The following AGBL1 variants were observed in gnomAD, a reference collection of about 807,000 sequenced individuals.
AGBL1 encodes the protein cytosolic carboxypeptidase 4.
AGBL1 carries 130 observed loss-of-function variants against 118.9 expected under a neutral mutation model. That is an observed-to-expected ratio of 1.09 (90% confidence interval 0.95 to 1.26). AGBL1 has a LOEUF of 1.26. Ranked by LOEUF, AGBL1 falls within the 50% of genes most tolerant of loss-of-function variation. AGBL1 has a pLI of 0.00. For missense variants in AGBL1, 1,584 were observed against 1,298.1 expected, an observed-to-expected ratio of 1.22 and a Z score of -3.38; for synonymous variants, 555 against 478.9, an observed-to-expected ratio of 1.16 and a Z score of -2.08.
chr15:86,851,832 G>A (rs1487697880), intron 22 of AGBL1, among the ~76,000 whole-genome samples: 4 of 152,182 alleles, frequency 2.6e-5, no homozygotes, highest in African/African-American at 9.7e-5. Flanking sequence ...TGCTGGAATG[G>A]CCAACAGAGA....
intron 5 of AGBL1, among the ~76,000 whole-genome samples, chr15:86,223,107 G>T (rs1164005008): frequency 2.0e-5 from 3 of 152,010 alleles, no homozygotes; most frequent in Non-Finnish European, 2.9e-5. Flanking sequence ...GCCACTTTTT[G>T]GGTTTAAGAC....
intron 22 of AGBL1, among the ~76,000 whole-genome samples, chr15:86,802,712 T>C (rs2078667374): frequency 6.6e-6 from 1 of 152,190 alleles, no homozygotes; most frequent in South Asian, 2.1e-4. Context: ...AATATTGTGC[T>C]ATAAATGCAA....
intron 19 of AGBL1, among the ~76,000 whole-genome samples, chr15:86,526,809 C>T (rs2083273651): frequency 6.6e-6 from 1 of 151,750 alleles, no homozygotes. Context: ...TACGGGTATG[C>T]AAAGGCATAC....
rs74027158 is a variant in AGBL1, at chr15:86,902,745, T to C, written c.3159-4342T>C. Among the ~76,000 whole-genome samples the C allele has an allele frequency of 3.1e-3, 470 of 152,308 alleles. 3 individuals are homozygous for C. Among genetic ancestry groups the C allele is most frequent in the African/African-American group, 0.011 (454 of 41,576 alleles). On this transcript the variant is annotated intron_variant, in intron 22 of 22. Coordinates refer to ENST00000614907, the MANE Select transcript of AGBL1 (RefSeq NM_001386094.1). ...TGGTGTGCCATTTTCTTCTGGCCTC[T>C]ATGGTTTCTGATGAGAACTTTGCTG...
At chr15:86,343,775 A>G (rs899440783) in intron 17 of AGBL1, among the ~76,000 whole-genome samples, 8 of 152,078 alleles carry the variant, frequency 5.3e-5, no homozygotes. Context: ...CTTTTAGAGA[A>G]ATTCATCTCT....
At chr15:86,351,313 G>A (rs2080622846) in intron 17 of AGBL1, among the ~76,000 whole-genome samples, 1 of 151,980 alleles carries the variant, frequency 6.6e-6, no homozygotes, top group East Asian at 1.9e-4. Context: ...CATTAATGAG[G>A]GCAAAGTCCT....
At chr15:86,477,561 A>G (rs544233925) in intron 18 of AGBL1, among the ~76,000 whole-genome samples, 92 of 152,286 alleles carry the variant, frequency 6.0e-4, no homozygotes, top group African/African-American at 2.2e-3. Context: ...ATAGACCAAT[A>G]ACAGGCTCTG....
At chr15:87,006,485 C>T (rs1435115541) in intron 24 of AGBL1, among the ~76,000 whole-genome samples, 2 of 152,168 alleles carry the variant, frequency 1.3e-5, no homozygotes, top group African/African-American at 2.4e-5. Context: ...ATGGTACCCT[C>T]CGAGCCAGGC....
chr15:86,417,367 C>G (rs548401973), intron 18 of AGBL1, among the ~76,000 whole-genome samples: 1 of 152,202 alleles, frequency 6.6e-6, no homozygotes, highest in Non-Finnish European at 1.5e-5. Context: ...GTAGTTTCTT[C>G]AATCACTTGT....
chr15:86,426,486 G>A (rs141415527), intron 18 of AGBL1, among the ~76,000 whole-genome samples: 1 of 152,160 alleles, frequency 6.6e-6, no homozygotes, highest in East Asian at 1.9e-4. Flanking sequence ...GGACAATGCT[G>A]TCTAAATACC....
chr15:86,421,220 C>T (rs557229735), intron 18 of AGBL1, among the ~76,000 whole-genome samples: 13 of 152,148 alleles, frequency 8.5e-5, no homozygotes, highest in East Asian at 3.9e-4. Context: ...AGAGAAAGGG[C>T]GGGTTACCCA....
At chr15:86,676,207 G>C (rs947367883) in intron 22 of AGBL1, among the ~76,000 whole-genome samples, 11 of 152,090 alleles carry the variant, frequency 7.2e-5, no homozygotes, top group Non-Finnish European at 1.5e-4. Context: ...GAATATATTT[G>C]AATTAAGTTT....
At chr15:86,382,994 C>G (rs139730359) in intron 17 of AGBL1, among the ~76,000 whole-genome samples, 5 of 152,224 alleles carry the variant, frequency 3.3e-5, no homozygotes, top group East Asian at 1.9e-4. Context: ...GACACGGTTT[C>G]CATTTTGAAC....
intron 23 of AGBL1, among the ~76,000 whole-genome samples, chr15:86,967,409 T>C (rs1206007980): frequency 6.6e-6 from 1 of 152,146 alleles, no homozygotes. Context: ...CCCATGCCTA[T>C]GTCCTGAATG....
At chr15:86,768,868 T>A (rs2078132649) in intron 22 of AGBL1, among the ~76,000 whole-genome samples, 1 of 151,866 alleles carries the variant, frequency 6.6e-6, no homozygotes, top group Non-Finnish European at 1.5e-5. Flanking sequence ...ATAGGTACCC[T>A]TTAAAAATAA....
intron 5 of AGBL1, among the ~76,000 whole-genome samples, chr15:86,178,154 A>C (rs990006448): frequency 6.6e-6 from 1 of 152,190 alleles, no homozygotes; most frequent in Non-Finnish European, 1.5e-5. Flanking sequence ...TCTACTAAAA[A>C]TACAAAAATT....
In AGBL1 at chr15:86,422,579, C is replaced by T. The variant is rs143332505; in HGVS notation, c.2555+25033C>T. On this transcript the variant is annotated intron_variant, in intron 18 of 22. Transcript: ENST00000614907. ...AACAAATTCAAAAGCTAGCAGAAAA[C>T]GAGAAAATACTTAGAGCAGAACGGA... Among the ~76,000 whole-genome samples the T allele has an allele frequency of 5.7e-3, 863 of 151,686 alleles. 10 individuals carry two copies. Among genetic ancestry groups the T allele is most frequent in the African/African-American group, 0.018 (743 of 41,412 alleles).
At chr15:86,782,532 T>A (rs1271087366) in intron 22 of AGBL1, among the ~76,000 whole-genome samples, 1 of 152,198 alleles carries the variant, frequency 6.6e-6, no homozygotes, top group Non-Finnish European at 1.5e-5. Flanking sequence ...CATTTCCTAC[T>A]TTTGTGTGCG....
rs1436944719 is a variant in AGBL1, at chr15:86,849,108, A to G, written c.3159-57979A>G. Among the ~76,000 whole-genome samples, 7 of 152,208 alleles carry G rather than the reference A, an allele frequency of 4.6e-5. No individual in the cohort carries two copies. In the East Asian group the frequency reaches 1.3e-3, roughly 29 times the overall value. On this transcript the variant is annotated intron_variant, in intron 22 of 22. Transcript: ENST00000614907. ...ACTGTCTAGTGAGGAGAGCTTTCTC[A>G]TTGAAAGCTAATCTGAGCATGCCTT...
Sources: allele counts gnomAD v4.1 joint callset (sites outside exome capture counted in the v4.1 genomes callset), GRCh38; gene constraint gnomAD v4.1.1; transcripts MANE v1.5; gene names NCBI Gene and HGNC (gene_info 2026-07-23, HGNC 2026-07-21).